RYR2: variants seen among roughly 807,000 people sequenced by gnomAD.
RYR2 encodes the protein cardiac muscle ryanodine receptor-calcium release channel.
In RYR2, 227 loss-of-function variants were observed where a neutral mutation model predicts 601.1. The ratio of observed to expected loss-of-function variants is 0.38; its 90% CI spans 0.34 to 0.42. The LOEUF is 0.42. Among genes scored for constraint, RYR2 ranks in the 10% least tolerant of loss-of-function variants. The pLI, the probability that RYR2 is intolerant of heterozygous loss-of-function variation, is 1.00. For synonymous variants in RYR2, 2,223 were observed against 2,175.1 expected (o/e 1.02, Z -0.61); for missense variants, 4,646 against 6,156.5 (o/e 0.75, Z 8.21).
chr1:237,479,332 C>T (rs1661768612), intron 17 of RYR2, among the ~76,000 whole-genome samples: 1 of 152,182 alleles, frequency 6.6e-6, no homozygotes, highest in Non-Finnish European at 1.5e-5. Flanking sequence ...ATTGCACAAC[C>T]TTTCTCCTTC....
At chr1:237,586,202 C>T (rs1397881786) in intron 29 of RYR2, among the ~76,000 whole-genome samples, 3 of 152,092 alleles carry the variant, frequency 2.0e-5, no homozygotes, top group Non-Finnish European at 4.4e-5. Flanking sequence ...ATTCTTCAAT[C>T]GTCAATTATT....
intron 1 of RYR2, among the ~76,000 whole-genome samples, chr1:237,250,195 CT>C (rs1428818001): frequency 5.9e-5 from 9 of 152,232 alleles, no homozygotes; most frequent in African/African-American, 2.2e-4. Flanking sequence ...CAGCGTGGCT[CT>C]TGCCTTCCAC....
chr1:237,258,998 G>C (rs1349360469), intron 1 of RYR2, among the ~76,000 whole-genome samples: 2 of 151,952 alleles, frequency 1.3e-5, no homozygotes, highest in Admixed American at 1.3e-4. Context: ...CTGACTGATG[G>C]AAATAAAGTG....
chr1:237,210,479 C>T (rs1682452472), intron 1 of RYR2, among the ~76,000 whole-genome samples: 2 of 152,194 alleles, frequency 1.3e-5, no homozygotes, highest in South Asian at 4.1e-4. Context: ...TGTCTCATTT[C>T]TTGTATCTCT....
intron 12 of RYR2, among the ~76,000 whole-genome samples, chr1:237,428,978 G>A (rs528726477): frequency 5.3e-4 from 80 of 152,066 alleles, no homozygotes; most frequent in Non-Finnish European, 7.2e-4. Flanking sequence ...ATGGTGTGTG[G>A]AGAGCTGCCG....
chr1:237,103,335 G>T (rs946870210), intron 1 of RYR2, among the ~76,000 whole-genome samples: 44 of 152,238 alleles, frequency 2.9e-4, no homozygotes, highest in African/African-American at 9.6e-4. Context: ...GTCAGTACCT[G>T]CTTTCTCCAT....
intron 1 of RYR2, among the ~76,000 whole-genome samples, chr1:237,175,293 T>G (rs565296064): frequency 1.3e-5 from 2 of 152,208 alleles, no homozygotes; most frequent in Admixed American, 1.3e-4. Flanking sequence ...TTTTTAGAGA[T>G]AATTTCTCCT....
intron 1 of RYR2, among the ~76,000 whole-genome samples, chr1:237,073,962 A>G (rs959095581): frequency 3.3e-5 from 5 of 151,728 alleles, no homozygotes; most frequent in Non-Finnish European, 7.4e-5. Context: ...GTTAAAATTA[A>G]TTTCACCTTT....
At chr1:237,630,410 T>G (rs191159011) in intron 41 of RYR2, among the ~76,000 whole-genome samples, 3 of 152,026 alleles carry the variant, frequency 2.0e-5, no homozygotes, top group Non-Finnish European at 4.4e-5. Context: ...GGGCATCAAG[T>G]TTTTTTTCTG....
chr1:237,631,923 G>T lies in RYR2; in HGVS notation c.6555+382G>T, dbSNP rs570814879. On this transcript the variant is annotated intron_variant, in intron 42 of 104. Transcript: ENST00000366574. Reference sequence around the variant, plus strand: ...GCTGGGATTACAGGCGTGAGCCACCGCGCCCAGCCCAGATTGTAGATTCTT... The same window carrying T: ...GCTGGGATTACAGGCGTGAGCCACCTCGCCCAGCCCAGATTGTAGATTCTT... Among the ~76,000 whole-genome samples, 5 of 151,728 alleles carry T rather than the reference G, an allele frequency of 3.3e-5. No homozygotes were observed. In the East Asian group the frequency reaches 9.7e-4, roughly 30 times the overall value.
chr1:237,818,887 A>G (rs1662127252), intron 100 of RYR2, 149 bp from the exon 101 acceptor site: 1 of 660,342 alleles, frequency 1.5e-6, no homozygotes, highest in Non-Finnish European at 2.5e-6. Flanking sequence ...CTTCACAACT[A>G]GAAATACTGA....
intron 84 of RYR2, among the ~76,000 whole-genome samples, chr1:237,768,339 A>G (rs1207474726): frequency 6.6e-6 from 1 of 152,198 alleles, no homozygotes; most frequent in Non-Finnish European, 1.5e-5. Context: ...ACAAAAAATT[A>G]CCACAGATTA....
In RYR2 at chr1:237,745,591, G is replaced by A. The variant is rs537140246; in HGVS notation, c.11145+3242G>A. Among the ~76,000 whole-genome samples the A allele has an allele frequency of 2.6e-5, 4 of 152,266 alleles. No homozygotes were observed. The South Asian group carries it at 8.3e-4, about 32-fold the overall frequency. ...GGTCAAATTTAGTGACATTAGAAAG[G>A]CTCCTCATTCAGAAAAGAAGTCCGA... is the stretch of plus-strand genomic sequence containing the variant. On this transcript the variant is annotated intron_variant, in intron 80 of 104. Coordinates refer to ENST00000366574, the MANE Select transcript of RYR2 (RefSeq NM_001035.3).
intron 10 of RYR2, among the ~76,000 whole-genome samples, chr1:237,392,205 T>A (rs1702442472): frequency 6.6e-6 from 1 of 152,088 alleles, no homozygotes; most frequent in Admixed American, 6.6e-5. Context: ...AAGGGATGTG[T>A]CAGTATCCCT....
intron 1 of RYR2, among the ~76,000 whole-genome samples, chr1:237,227,758 G>A (rs1684546715): frequency 6.6e-6 from 1 of 152,194 alleles, no homozygotes; most frequent in Non-Finnish European, 1.5e-5. Flanking sequence ...CTGACACCCT[G>A]AGCTGCTGGG....
At chr1:237,295,085 G>T (rs551466982) in intron 2 of RYR2, among the ~76,000 whole-genome samples, 4 of 152,050 alleles carry the variant, frequency 2.6e-5, no homozygotes, top group Non-Finnish European at 5.9e-5. Context: ...GCGTGGCAGT[G>T]TGTGCCTGTA....
intron 1 of RYR2, among the ~76,000 whole-genome samples, chr1:237,263,134 A>G (rs1050971494): frequency 1.3e-5 from 2 of 152,144 alleles, no homozygotes; most frequent in African/African-American, 4.8e-5. Context: ...AGGATCGGTA[A>G]TTTTCCTCCA....
chr1:237,289,671 C>A (rs1691998726), intron 2 of RYR2, among the ~76,000 whole-genome samples: 1 of 152,082 alleles, frequency 6.6e-6, no homozygotes, highest in Non-Finnish European at 1.5e-5. Flanking sequence ...ATGGGAACTA[C>A]AATTTAAGAT....
At chr1:237,816,953 C>G (rs1661907566) in intron 100 of RYR2, among the ~76,000 whole-genome samples, 1 of 152,066 alleles carries the variant, frequency 6.6e-6, no homozygotes, top group South Asian at 2.1e-4. Flanking sequence ...CAGAATGTTG[C>G]CACGTCCAGG....
Sources: gnomAD v4.1 joint callset for allele counts (sites outside exome capture counted in the v4.1 genomes callset) on GRCh38, gnomAD v4.1.1 for gene constraint, MANE v1.5 for transcripts, NCBI Gene and HGNC (gene_info 2026-07-23, HGNC 2026-07-21) for gene names.